Variants in RCOR1 observed in about 807,000 individuals in gnomAD.
The protein encoded by RCOR1 is REST corepressor.
RCOR1 carries 12 observed loss-of-function variants against 64.0 expected under a neutral mutation model. The observed-to-expected ratio is 0.19, with a 90% confidence interval of 0.12 to 0.30. The LOEUF is 0.30. Ranked by LOEUF, RCOR1 falls within the 10% of genes least tolerant of loss-of-function variation. The pLI, the probability that RCOR1 is intolerant of heterozygous loss-of-function variation, is 1.00. For missense variants in RCOR1, 502 were observed against 621.2 expected, an observed-to-expected ratio of 0.81 and a Z score of 2.04; for synonymous variants, 279 against 227.2, an observed-to-expected ratio of 1.23 and a Z score of -2.05.
intron 3 of RCOR1, among the ~76,000 whole-genome samples, chr14:102,682,971 C>T (rs1895335844): frequency 6.6e-6 from 1 of 152,166 alleles, no homozygotes. Context: ...GCCTGTTAGC[C>T]ACTATCTTTC....
chr14:102,624,704 T>A (rs1893946703), intron 2 of RCOR1, among the ~76,000 whole-genome samples: 1 of 150,674 alleles, frequency 6.6e-6, no homozygotes. Flanking sequence ...AGGTCGAGGT[T>A]CCAGTGAGCT....
chr14:102,637,448 T>G (rs925342928), intron 2 of RCOR1, among the ~76,000 whole-genome samples: 1 of 151,698 alleles, frequency 6.6e-6, no homozygotes, highest in Non-Finnish European at 1.5e-5. Flanking sequence ...ATTTTATTTT[T>G]TTATTTAAAA....
chr14:102,722,987 C>G (rs528828005), intron 11 of RCOR1, among the ~76,000 whole-genome samples: 1 of 152,144 alleles, frequency 6.6e-6, no homozygotes, highest in Non-Finnish European at 1.5e-5. Flanking sequence ...GAATGATAAC[C>G]CTGGTCTCAT....
At chr14:102,625,869 G>A (rs576726996) in intron 2 of RCOR1, among the ~76,000 whole-genome samples, 2 of 152,248 alleles carry the variant, frequency 1.3e-5, no homozygotes, top group South Asian at 4.1e-4. Context: ...GAGCCGCTGT[G>A]AATGACTGCA....
At chr14:102,700,808 T>C (rs1344390868) in intron 3 of RCOR1, among the ~76,000 whole-genome samples, 2 of 152,068 alleles carry the variant, frequency 1.3e-5, no homozygotes, top group Admixed American at 6.5e-5. Flanking sequence ...TTTTTAGTCT[T>C]GTACAGGACA....
At chr14:102,617,162 A>G (rs1225154156) in intron 2 of RCOR1, among the ~76,000 whole-genome samples, 1 of 152,198 alleles carries the variant, frequency 6.6e-6, no homozygotes, top group African/African-American at 2.4e-5. Flanking sequence ...GAACAAAGCT[A>G]ACAGTTATCA....
rs186677253 is a variant in RCOR1, at chr14:102,664,595, A to G, written c.362-17300A>G. On this transcript the variant is annotated intron_variant, in intron 2 of 11. Coordinates refer to ENST00000262241, the MANE Select transcript of RCOR1 (RefSeq NM_015156.4). ...GGGTGGCATTCCAGAGATCAGGTCT[A>G]CATGAGTTGCTGCCCAGCCTTCTTG... 5.9e-5 allele frequency among the ~76,000 whole-genome samples: 9 copies of G among 152,384 alleles called. No homozygotes were observed. The East Asian group carries it at 1.5e-3, about 26-fold the overall frequency.
chr14:102,634,736 G>A (rs968268817), intron 2 of RCOR1, among the ~76,000 whole-genome samples: 2 of 150,656 alleles, frequency 1.3e-5, no homozygotes, highest in African/African-American at 4.9e-5. Context: ...TTGCTCTATC[G>A]CTCAGGCTGG....
At chr14:102,657,917 G>C in intron 2 of RCOR1, 1 of 983,860 alleles carries the variant, frequency 1.0e-6, no homozygotes, top group Non-Finnish European at 1.2e-6. Context: ...TTGCCTCTCT[G>C]AAACAAGTGA....
intron 2 of RCOR1, among the ~76,000 whole-genome samples, chr14:102,617,877 C>T (rs897586181): frequency 2.0e-5 from 3 of 151,304 alleles, no homozygotes; most frequent in East Asian, 1.9e-4. Context: ...CGTGAGCCAC[C>T]GTGCCTGGCC....
chr14:102,645,358 T>G (rs1040702703), intron 2 of RCOR1, among the ~76,000 whole-genome samples: 1 of 152,252 alleles, frequency 6.6e-6, no homozygotes, highest in Non-Finnish European at 1.5e-5. Flanking sequence ...ATTGTTTCTT[T>G]TTTTAAAATT....
chr14:102,658,985 C>A, intron 2 of RCOR1: 1 of 405,664 alleles, frequency 2.5e-6, no homozygotes, highest in Non-Finnish European at 3.3e-6. Context: ...TTTTTGGAAA[C>A]AAGTTAGTAA....
At chr14:102,627,808 A>G (rs1197119572) in intron 2 of RCOR1, among the ~76,000 whole-genome samples, 1 of 152,060 alleles carries the variant, frequency 6.6e-6, no homozygotes, top group African/African-American at 2.4e-5. Context: ...TGAGGTGATC[A>G]ATTGCTCCAT....
intron 2 of RCOR1, among the ~76,000 whole-genome samples, chr14:102,645,700 C>G (rs1406091205): frequency 6.6e-6 from 1 of 152,150 alleles, no homozygotes; most frequent in Non-Finnish European, 1.5e-5. Context: ...GAAAAATGAC[C>G]CCCAAAAGTT....
intron 2 of RCOR1, among the ~76,000 whole-genome samples, chr14:102,614,863 G>T (rs535657176): frequency 1.3e-5 from 2 of 149,000 alleles, no homozygotes; most frequent in Admixed American, 6.7e-5. Flanking sequence ...ACGGAGTCTC[G>T]CTCTGTCGCC....
At position 102,721,343 on chromosome 14, in the gene RCOR1, T is replaced by C; in HGVS notation, c.1155T>C (p.Arg385=). Residue 385 remains arginine, a synonymous_variant, in exon 10 of 12, where the codon CGT becomes CGC. Transcript: ENST00000262241. ...AGGTCATTCAGAAATGTAATGCACG[T>C]TGGACTACAGAAGAGCAGCTTCTCG... The part of the protein sequence containing the change: ...LPEVIQKCNA[R]WTTEEQLLAV... The C allele has an allele frequency of 6.2e-7, 1 of 1,613,688 alleles. No individual in the cohort carries two copies. The highest frequency in any genetic ancestry group is 8.5e-7 in the Non-Finnish European group (1 of 1,179,716).
At chr14:102,719,236 T>TTTCTTCTTC (rs201715877) in intron 8 of RCOR1, among the ~76,000 whole-genome samples, 5 of 151,846 alleles carry the variant, frequency 3.3e-5, no homozygotes, top group African/African-American at 1.2e-4. Flanking sequence ...AGCCTAGATA[T>TTTCTTCTTC]TTCTTCTTCT....
chr14:102,665,311 CTT>C (rs35214723), intron 2 of RCOR1, among the ~76,000 whole-genome samples: 181 of 131,968 alleles, frequency 1.4e-3, no homozygotes, highest in African/African-American at 4.0e-3. Flanking sequence ...GGCCTCAACA[CTT>C]TTTTTTTTTT....
Position 102,592,959 on chromosome 14 carries a change from GCCT to G in RCOR1, c.76_78del (p.Ser26del). On this transcript the variant is annotated inframe_deletion, in exon 1 of 12. Transcript: ENST00000262241. ...AGGGAGGAACAACGCGGCCGCCTCC[GCCT>G]CCGCCGCCGCCGCCTCCGCCGCCGC... The G allele has an allele frequency of 1.7e-6, 2 of 1,171,378 alleles. No homozygotes were observed. Among genetic ancestry groups the G allele is most frequent in the Non-Finnish European group, 2.1e-6 (2 of 944,358 alleles). The allele number at this position is 1,171,378 out of a possible 1,614,324, so 72.6% of individuals were successfully genotyped here.
Sources: gnomAD v4.1 joint callset for allele counts (sites outside exome capture counted in the v4.1 genomes callset) on GRCh38, gnomAD v4.1.1 for gene constraint, MANE v1.5 for transcripts, NCBI Gene and HGNC (gene_info 2026-07-23, HGNC 2026-07-21) for gene names.